Variants in PREX1 observed in about 807,000 individuals in gnomAD.
PREX1 encodes the protein phosphatidylinositol-3,4,5-trisphosphate dependent Rac exchange factor 1.
Under a neutral mutation model 198.3 loss-of-function variants are expected in PREX1, and 41 were observed. The observed-to-expected ratio is 0.21, with a 90% confidence interval of 0.16 to 0.27. The LOEUF (loss-of-function observed/expected upper bound fraction) is 0.27, where lower values mean the gene tolerates loss of function less well. Ranked by LOEUF, PREX1 falls within the 10% of genes least tolerant of loss-of-function variation. PREX1 has a pLI of 1.00. For synonymous variants in PREX1, 843 were observed against 887.2 expected, an observed-to-expected ratio of 0.95 and a Z score of 0.89; for missense variants, 1,620 against 2,200.7, an observed-to-expected ratio of 0.74 and a Z score of 5.28.
chr20:48,886,804 G>A, the PREX1 span, among the ~76,000 whole-genome samples: 2 of 152,200 alleles, frequency 1.3e-5, no homozygotes, highest in African/African-American at 4.8e-5. Context: ...AAGAAACTGA[G>A]GCACAGAAAG....
At chr20:48,757,357 G>A (rs550997479) in intron 1 of PREX1, among the ~76,000 whole-genome samples, 12 of 152,312 alleles carry the variant, frequency 7.9e-5, no homozygotes, top group Non-Finnish European at 1.0e-4. Context: ...ACCTAGAACC[G>A]TGCTGGACTG....
chr20:48,766,328 G>A (rs1172031095), intron 1 of PREX1, among the ~76,000 whole-genome samples: 5 of 152,066 alleles, frequency 3.3e-5, no homozygotes. Context: ...GGCATCCCTG[G>A]GTGGAGTGAC....
intron 14 of PREX1, among the ~76,000 whole-genome samples, chr20:48,667,339 A>C (rs2089647036): frequency 6.6e-6 from 1 of 152,222 alleles, no homozygotes; most frequent in Non-Finnish European, 1.5e-5. Context: ...ATCAAGTTCA[A>C]TTGCTAACTG....
chr20:48,763,974 G>A (rs1410627422), intron 1 of PREX1, among the ~76,000 whole-genome samples: 2 of 152,144 alleles, frequency 1.3e-5, no homozygotes, highest in East Asian at 1.9e-4. Flanking sequence ...TGGCTGACGC[G>A]GCAGCCTCAG....
the PREX1 span, among the ~76,000 whole-genome samples, chr20:48,862,784 A>AG: frequency 1.7e-5 from 1 of 59,414 alleles, no homozygotes; most frequent in East Asian, 3.3e-4. Context: ...AAAGCCTAAA[A>AG]AAAAAAATAT....
At chr20:48,638,459 C>A (rs1038916015) in intron 30 of PREX1, among the ~76,000 whole-genome samples, 1 of 152,182 alleles carries the variant, frequency 6.6e-6, no homozygotes, top group Non-Finnish European at 1.5e-5. Flanking sequence ...ACATCCTGTT[C>A]TCTTTCCTTA....
chr20:48,754,372 G>A (rs1005525639), intron 1 of PREX1, among the ~76,000 whole-genome samples: 1 of 151,908 alleles, frequency 6.6e-6, no homozygotes, highest in African/African-American at 2.4e-5. Context: ...TCTCCATCAC[G>A]CGCCATCAGT....
At chr20:48,706,469 G>C (rs1331611493) in intron 6 of PREX1, among the ~76,000 whole-genome samples, 4 of 152,192 alleles carry the variant, frequency 2.6e-5, no homozygotes, top group Non-Finnish European at 5.9e-5. Context: ...GAAGTTCAAA[G>C]TGGCCATGTG....
intron 14 of PREX1, among the ~76,000 whole-genome samples, chr20:48,673,925 A>T (rs1839072199): frequency 6.6e-6 from 1 of 152,216 alleles, no homozygotes; most frequent in Non-Finnish European, 1.5e-5. Flanking sequence ...CTAAAGGAGA[A>T]GGTATTGGTT....
intron 36 of PREX1, 49 bp from the exon 37 acceptor site, chr20:48,629,670 G>GC (rs1264348719): frequency 1.4e-5 from 22 of 1,575,698 alleles, no homozygotes; most frequent in Non-Finnish European, 1.9e-5. Flanking sequence ...GGTCCTCACA[G>GC]CCCCTCAGCC....
chr20:48,709,139 G>A (rs1017283591), intron 5 of PREX1, among the ~76,000 whole-genome samples: 1 of 152,178 alleles, frequency 6.6e-6, no homozygotes, highest in African/African-American at 2.4e-5. Context: ...GAGAGGAACT[G>A]AGGAGGAAGG....
chr20:48,724,131 A>G (rs1472652103), intron 5 of PREX1, among the ~76,000 whole-genome samples: 5 of 152,178 alleles, frequency 3.3e-5, no homozygotes, highest in African/African-American at 1.2e-4. Flanking sequence ...TAACTCCCCA[A>G]AATCCTTCTC....
At chr20:48,780,748 AC>A (rs1457455919) in intron 1 of PREX1, among the ~76,000 whole-genome samples, 1 of 152,202 alleles carries the variant, frequency 6.6e-6, no homozygotes, top group Non-Finnish European at 1.5e-5. Flanking sequence ...CACAGGCCAG[AC>A]CCACCGGTGG....
chr20:48,813,090 C>T (rs1024378886), intron 1 of PREX1, among the ~76,000 whole-genome samples: 5 of 152,250 alleles, frequency 3.3e-5, no homozygotes, highest in Non-Finnish European at 7.3e-5. Flanking sequence ...TCTACTCCAC[C>T]CCCAACGGCC....
chr20:48,629,345 A>C (rs2089296038), intron 37 of PREX1, 104 bp downstream of exon 37: 2 of 1,430,456 alleles, frequency 1.4e-6, no homozygotes, highest in Non-Finnish European at 1.9e-6. Flanking sequence ...TGGCAGAACC[A>C]GGATTGGAAC....
chr20:48,693,503 A>G (rs540631868), intron 7 of PREX1, among the ~76,000 whole-genome samples: 1 of 152,380 alleles, frequency 6.6e-6, no homozygotes, highest in South Asian at 2.1e-4. Context: ...AGCAGAAAGC[A>G]GGCCCTCGCC....
chr20:48,844,071 T>C, the PREX1 span, among the ~76,000 whole-genome samples: 1 of 151,998 alleles, frequency 6.6e-6, no homozygotes, highest in Non-Finnish European at 1.5e-5. Flanking sequence ...GTCTGGGAGG[T>C]CGAGGCTGCA....
chr20:48,786,914 G>C lies in PREX1; in HGVS notation c.220-39034C>G, dbSNP rs552311697. On this transcript the variant is annotated intron_variant, in intron 1 of 39. Coordinates refer to ENST00000371941, the MANE Select transcript of PREX1 (RefSeq NM_020820.4). ...AAGGGAGAGGTGGAGGGGAGGGAAA[G>C]AGGAGGAGGCGTGGGAAGGACAAGA... Among the ~76,000 whole-genome samples the C allele has an allele frequency of 2.0e-5, 3 of 152,122 alleles. No individual in the cohort carries two copies. The South Asian group carries it at 6.2e-4, about 32-fold the overall frequency.
intron 30 of PREX1, among the ~76,000 whole-genome samples, chr20:48,638,616 CTT>C (rs1175235208): frequency 1.3e-5 from 2 of 152,188 alleles, no homozygotes; most frequent in East Asian, 1.9e-4. Context: ...GTGGTGCGCT[CTT>C]GTCAGGACTC....
Sources: gnomAD v4.1 joint callset for allele counts (sites outside exome capture counted in the v4.1 genomes callset) on GRCh38, gnomAD v4.1.1 for gene constraint, MANE v1.5 for transcripts, NCBI Gene and HGNC (gene_info 2026-07-23, HGNC 2026-07-21) for gene names.